The following DIPK1A variants were observed in gnomAD, a reference collection of about 807,000 sequenced individuals.
DIPK1A encodes divergent protein kinase domain 1A.
A neutral mutation model predicts 40.8 loss-of-function variants in DIPK1A; 27 were observed. The ratio of observed to expected loss-of-function variants is 0.66; its 90% CI spans 0.49 to 0.91. The LOEUF (loss-of-function observed/expected upper bound fraction) is 0.91, where lower values mean the gene tolerates loss of function less well. DIPK1A is among the 40% of genes least tolerant of loss of function. The pLI is 0.00. For missense variants in DIPK1A, 412 were observed against 505.7 expected (o/e 0.81, Z 1.78); for synonymous variants, 166 against 171.3 (o/e 0.97, Z 0.24).
At chr1:92,876,837 TA>T in intron 1 of DIPK1A, 1 of 287,608 alleles carries the variant, frequency 3.5e-6, no homozygotes, top group Non-Finnish European at 5.2e-6. Flanking sequence ...AAAATCATGA[TA>T]AAAATAATTT....
chr1:92,861,426 C>T (rs935351987), intron 2 of DIPK1A, among the ~76,000 whole-genome samples: 24 of 136,428 alleles, frequency 1.8e-4, no homozygotes, highest in Admixed American at 1.7e-3. Flanking sequence ...TCCTGGGTTC[C>T]GGCAATTCTT....
chr1:92,844,291 A>G (rs1687501943), intron 4 of DIPK1A, 96 bp from the exon 5 acceptor site: 2 of 751,366 alleles, frequency 2.7e-6, no homozygotes, highest in South Asian at 1.9e-5. Context: ...CATGCCAGAA[A>G]TAATCTTGGT....
intron 1 of DIPK1A, among the ~76,000 whole-genome samples, chr1:92,896,542 C>T (rs1649174835): frequency 1.3e-5 from 2 of 150,682 alleles, no homozygotes; most frequent in Admixed American, 1.3e-4. Flanking sequence ...GACCTAAAAC[C>T]ATAAAAACCC....
chr1:92,953,413 C>A (rs900384838), intron 1 of DIPK1A, among the ~76,000 whole-genome samples: 72 of 151,908 alleles, frequency 4.7e-4, no homozygotes, highest in Non-Finnish European at 6.8e-4. Context: ...TCTGGATATA[C>A]AAAAAAATTG....
At chr1:92,868,747 C>G (rs1647685379) in intron 2 of DIPK1A, among the ~76,000 whole-genome samples, 1 of 152,082 alleles carries the variant, frequency 6.6e-6, no homozygotes, top group East Asian at 1.9e-4. Context: ...AGGTGGATCA[C>G]CTGAGGTCAG....
chr1:92,837,759 C>G, downstream of DIPK1A: 1 of 772,038 alleles, frequency 1.3e-6, no homozygotes, highest in Non-Finnish European at 2.2e-6. Context: ...GACTTGTCAA[C>G]ATTCTTTTAG....
chr1:92,833,741 T>TAG, intron 4 of DIPK1A: 3 of 1,129,046 alleles, frequency 2.7e-6, no homozygotes, highest in Non-Finnish European at 4.0e-6. Context: ...GTGTGTGTGT[T>TAG]AGAAGGGCTG....
chr1:92,961,082 G>A (rs1652061035), intron 1 of DIPK1A, among the ~76,000 whole-genome samples: 3 of 152,256 alleles, frequency 2.0e-5, no homozygotes, highest in Middle Eastern at 6.8e-3. Context: ...GTCGTACCCA[G>A]GTCACGTCTC....
At chr1:92,851,485 G>A (rs1190807659) in intron 2 of DIPK1A, among the ~76,000 whole-genome samples, 2 of 129,940 alleles carry the variant, frequency 1.5e-5, no homozygotes, top group Admixed American at 9.5e-5. Context: ...AGAGGTTGTG[G>A]TGAGCCGAGA....
At chr1:92,837,987 C>G (rs1051884812), downstream of DIPK1A, among the ~76,000 whole-genome samples, 2 of 152,184 alleles carry the variant, frequency 1.3e-5, no homozygotes, top group African/African-American at 4.8e-5. Flanking sequence ...TCTGGACTTT[C>G]CCATTATCTC....
chr1:92,954,517 G>A (rs1651767272), intron 1 of DIPK1A, among the ~76,000 whole-genome samples: 1 of 151,534 alleles, frequency 6.6e-6, no homozygotes, highest in East Asian at 1.9e-4. Context: ...TGGGACTACA[G>A]GCACATGCCA....
chr1:92,949,708 G>A (rs1651552278), intron 1 of DIPK1A, among the ~76,000 whole-genome samples: 1 of 152,184 alleles, frequency 6.6e-6, no homozygotes, highest in South Asian at 2.1e-4. Flanking sequence ...TGGTTAAAGA[G>A]AGGCTACCTT....
intron 1 of DIPK1A, among the ~76,000 whole-genome samples, chr1:92,940,772 C>T (rs1651121528): frequency 6.6e-6 from 1 of 152,226 alleles, no homozygotes; most frequent in Non-Finnish European, 1.5e-5. Context: ...CATCCAGTTG[C>T]TCTGCGTCCT....
chr1:92,841,935 A>G (rs1687383102), downstream of DIPK1A: 1 of 1,255,020 alleles, frequency 8.0e-7, no homozygotes, highest in Non-Finnish European at 1.1e-6. Context: ...TTTCTGTGTT[A>G]AGCTCTTATT....
chr1:92,839,214 C>T (rs1223560565), downstream of DIPK1A, among the ~76,000 whole-genome samples: 1 of 152,004 alleles, frequency 6.6e-6, no homozygotes, highest in African/African-American at 2.4e-5. Context: ...CAAAAATTAG[C>T]TGGGCATGGT....
chr1:92,860,939 C>T (rs923784667), intron 2 of DIPK1A, among the ~76,000 whole-genome samples: 3 of 152,158 alleles, frequency 2.0e-5, no homozygotes, highest in Admixed American at 6.5e-5. Context: ...AAATTGCTTT[C>T]ATTACAACCT....
intron 1 of DIPK1A, among the ~76,000 whole-genome samples, chr1:92,956,660 A>T (rs1651867940): frequency 6.6e-6 from 1 of 152,246 alleles, no homozygotes; most frequent in African/African-American, 2.4e-5. Flanking sequence ...TCTGGCACTA[A>T]ATCTCACAAA....
In DIPK1A at chr1:92,949,562, C is replaced by G. The variant is rs543315933; in HGVS notation, c.54+11814G>C. Among the ~76,000 whole-genome samples, 4 of 152,282 alleles carry G rather than the reference C, an allele frequency of 2.6e-5. No individual in the cohort carries two copies. In the South Asian group the frequency reaches 8.3e-4, roughly 32 times the overall value. On this transcript the variant is annotated intron_variant, in intron 1 of 4. Transcript: ENST00000370310. ...AAAGTGCTAGGATTACAAGCATGAGCCACTGTGCCCAGCAATAATTTCTTT... is the reference window on the plus strand; with the variant it reads ...AAAGTGCTAGGATTACAAGCATGAGGCACTGTGCCCAGCAATAATTTCTTT...
intron 1 of DIPK1A, among the ~76,000 whole-genome samples, chr1:92,924,170 T>C (rs1473865752): frequency 6.6e-6 from 1 of 152,228 alleles, no homozygotes; most frequent in Admixed American, 6.5e-5. Flanking sequence ...GTAAAAACAG[T>C]TAATTTTTTA....
Sources: allele counts gnomAD v4.1 joint callset (sites outside exome capture counted in the v4.1 genomes callset), GRCh38; gene constraint gnomAD v4.1.1; transcripts MANE v1.5; gene names NCBI Gene and HGNC (gene_info 2026-07-23, HGNC 2026-07-21).